FHIT: variants seen among roughly 807,000 people sequenced by gnomAD.
FHIT encodes the protein fragile histidine triad diadenosine triphosphatase, also known as bis(5'-adenosyl)-triphosphatase.
Under a neutral mutation model 17.9 loss-of-function variants are expected in FHIT, and 19 were observed. That is an observed-to-expected ratio of 1.06 (90% CI 0.74 to 1.56). FHIT has a LOEUF of 1.56. Among genes scored for constraint, FHIT ranks in the 40% most tolerant of loss-of-function variants. The pLI is 0.00. For missense variants in FHIT, 248 were observed against 189.2 expected (o/e 1.31, Z -1.82); for synonymous variants, 81 against 69.7 (o/e 1.16, Z -0.81).
intron 4 of FHIT, among the ~76,000 whole-genome samples, chr3:60,641,196 A>T (rs1244577740): frequency 6.6e-6 from 1 of 152,144 alleles, no homozygotes; most frequent in African/African-American, 2.4e-5. Context: ...AAAGAAAAGA[A>T]AAGGAAAAAA....
chr3:60,453,364 TA>T (rs1220974129), intron 5 of FHIT, among the ~76,000 whole-genome samples: 1 of 152,120 alleles, frequency 6.6e-6, no homozygotes, highest in African/African-American at 2.4e-5. Context: ...TTTAAGCTCT[TA>T]AAGGCGAGGT....
intron 7 of FHIT, among the ~76,000 whole-genome samples, chr3:59,942,034 G>C (rs1706546143): frequency 6.6e-6 from 1 of 152,110 alleles, no homozygotes; most frequent in African/African-American, 2.4e-5. Flanking sequence ...CTGAGAACTG[G>C]AATCATCTCA....
chr3:60,445,949 C>A (rs1024566687), intron 5 of FHIT, among the ~76,000 whole-genome samples: 4 of 152,136 alleles, frequency 2.6e-5, no homozygotes, highest in Non-Finnish European at 5.9e-5. Context: ...ATATTCCTAT[C>A]TTTTGTGTGC....
chr3:60,060,204 G>A lies in FHIT; in HGVS notation c.104-46052C>T, dbSNP rs186205777. 1.8e-4 allele frequency among the ~76,000 whole-genome samples: 27 copies of A among 151,736 alleles called. No homozygotes were observed. The East Asian group carries it at 5.0e-3, about 28-fold the overall frequency. On this transcript the variant is annotated intron_variant, in intron 5 of 9. Transcript: ENST00000492590. ...TGGTGTTAAAAAAAAAAACCCAAAT[G>A]TTTTCTGAATTCCATCCTCATGTTA...
chr3:60,396,603 G>C (rs1701452177), intron 5 of FHIT, among the ~76,000 whole-genome samples: 1 of 152,122 alleles, frequency 6.6e-6, no homozygotes, highest in Non-Finnish European at 1.5e-5. Context: ...ATAAACCCAT[G>C]GAGATAGAAC....
At chr3:60,050,161 T>C (rs1301665415) in intron 5 of FHIT, among the ~76,000 whole-genome samples, 1 of 152,218 alleles carries the variant, frequency 6.6e-6, no homozygotes, top group Non-Finnish European at 1.5e-5. Context: ...AAAGATATAT[T>C]CCCAGTATAA....
chr3:60,602,140 T>C (rs534328360), intron 4 of FHIT, among the ~76,000 whole-genome samples: 1 of 152,250 alleles, frequency 6.6e-6, no homozygotes, highest in South Asian at 2.1e-4. Context: ...ACACAAAACA[T>C]TTATCTAAAG....
intron 5 of FHIT, among the ~76,000 whole-genome samples, chr3:60,318,196 T>C (rs938188118): frequency 1.3e-5 from 2 of 152,196 alleles, no homozygotes; most frequent in East Asian, 3.9e-4. Context: ...ATTAAAATGT[T>C]TGAAAATAAG....
chr3:61,117,206 A>G (rs555986412), intron 2 of FHIT, among the ~76,000 whole-genome samples: 1 of 152,244 alleles, frequency 6.6e-6, no homozygotes, highest in East Asian at 1.9e-4. Flanking sequence ...GTCCCTCTCA[A>G]CCTTTCTCTA....
rs140676783 is a variant in FHIT, at chr3:60,508,387, A to G, written c.103+28473T>C. ...CTTAATTTATCAATTAGGTTTGACT[A>G]CTTGAAAATAACCCATAATGGTAGG... On this transcript the variant is annotated intron_variant, in intron 5 of 9. Coordinates refer to ENST00000492590, the MANE Select transcript of FHIT (RefSeq NM_002012.4). Among the ~76,000 whole-genome samples the G allele has an allele frequency of 4.5e-3, 682 of 152,302 alleles. 3 individuals are homozygous for G. Among genetic ancestry groups the G allele is most frequent in the Non-Finnish European group, 7.3e-3 (496 of 68,030 alleles).
At chr3:60,280,218 C>T (rs982782597) in intron 5 of FHIT, among the ~76,000 whole-genome samples, 1 of 152,018 alleles carries the variant, frequency 6.6e-6, no homozygotes, top group Non-Finnish European at 1.5e-5. Flanking sequence ...GATGAAACTT[C>T]GTCAACTCGA....
chr3:60,355,830 G>C lies in FHIT; in HGVS notation c.103+181030C>G, dbSNP rs961998056. 4.6e-5 allele frequency among the ~76,000 whole-genome samples: 7 copies of C among 152,198 alleles called. No homozygotes were observed. In the East Asian group the frequency reaches 1.2e-3, roughly 25 times the overall value. On this transcript the variant is annotated intron_variant, in intron 5 of 9. Coordinates refer to ENST00000492590, the MANE Select transcript of FHIT (RefSeq NM_002012.4). ...TTCACAGGTGTACCTCCTTTGTCTA[G>C]TATTTGTAACCTTATTTAGAGAGTA... is the stretch of plus-strand genomic sequence containing the variant.
intron 5 of FHIT, among the ~76,000 whole-genome samples, chr3:60,143,176 G>T (rs956369221): frequency 1.4e-4 from 22 of 152,198 alleles, no homozygotes; most frequent in Admixed American, 1.4e-3. Context: ...CAAATCTTCA[G>T]AGGGGCACAT....
chr3:60,986,508 G>A (rs907637333), intron 3 of FHIT, among the ~76,000 whole-genome samples: 5 of 152,186 alleles, frequency 3.3e-5, no homozygotes, highest in Non-Finnish European at 5.9e-5. Flanking sequence ...AAAGTGGAGA[G>A]GTATTGGTTA....
At chr3:60,754,217 C>T (rs1414165268) in intron 4 of FHIT, among the ~76,000 whole-genome samples, 6 of 152,136 alleles carry the variant, frequency 3.9e-5, no homozygotes, top group Non-Finnish European at 8.8e-5. Context: ...TTTCTCGGCC[C>T]CCTGCCTGTT....
intron 4 of FHIT, among the ~76,000 whole-genome samples, chr3:60,721,130 A>G (rs1179029405): frequency 1.3e-5 from 2 of 152,170 alleles, no homozygotes; most frequent in African/African-American, 4.8e-5. Context: ...GCTAAAAAAA[A>G]AGGTGAGAAC....
At chr3:60,448,845 T>C (rs2031523339) in intron 5 of FHIT, among the ~76,000 whole-genome samples, 1 of 152,186 alleles carries the variant, frequency 6.6e-6, no homozygotes, top group African/African-American at 2.4e-5. Context: ...TTATAGCTAG[T>C]TGAAATGTGT....
At chr3:60,754,710 T>C (rs782705138) in intron 4 of FHIT, among the ~76,000 whole-genome samples, 7 of 152,180 alleles carry the variant, frequency 4.6e-5, no homozygotes, top group Admixed American at 1.3e-4. Flanking sequence ...AGCCTTATTT[T>C]CTGTGGCAAA....
intron 3 of FHIT, among the ~76,000 whole-genome samples, chr3:60,975,663 C>T (rs184008462): frequency 6.6e-5 from 10 of 152,216 alleles, no homozygotes; most frequent in South Asian, 2.1e-4. Flanking sequence ...AGTTTTCAAA[C>T]CTTTTTTGAA....
Sources: allele counts gnomAD v4.1 joint callset (sites outside exome capture counted in the v4.1 genomes callset), GRCh38; gene constraint gnomAD v4.1.1; transcripts MANE v1.5; gene names NCBI Gene and HGNC (gene_info 2026-07-23, HGNC 2026-07-21).